Variants in RANBP9 observed in about 807,000 individuals in gnomAD.
RANBP9 encodes ran-binding protein 9.
RANBP9 carries 15 observed loss-of-function variants against 84.3 expected under a neutral mutation model. The ratio of observed to expected loss-of-function variants is 0.18; its 90% CI spans 0.12 to 0.27. The LOEUF (loss-of-function observed/expected upper bound fraction) is 0.27, where lower values mean the gene tolerates loss of function less well. RANBP9 is among the 10% of genes least tolerant of loss of function. The pLI is 1.00. For synonymous variants in RANBP9, 392 were observed against 349.6 expected (o/e 1.12, Z -1.35); for missense variants, 809 against 912.8 (o/e 0.89, Z 1.46).
At chr6:13,678,284 T>C (rs1420318892) in intron 2 of RANBP9, among the ~76,000 whole-genome samples, 1 of 152,204 alleles carries the variant, frequency 6.6e-6, no homozygotes, top group Non-Finnish European at 1.5e-5. Flanking sequence ...TTGAGAAAGC[T>C]ATGGTTCTCA....
intron 2 of RANBP9, among the ~76,000 whole-genome samples, chr6:13,669,059 C>A (rs1172088611): frequency 1.3e-5 from 2 of 151,300 alleles, no homozygotes; most frequent in Non-Finnish European, 2.9e-5. Context: ...GATTAATATG[C>A]AAAAATCAGT....
chr6:13,639,271 A>G (rs1212294909), intron 9 of RANBP9, among the ~76,000 whole-genome samples: 1 of 152,120 alleles, frequency 6.6e-6, no homozygotes, highest in Non-Finnish European at 1.5e-5. Flanking sequence ...CTCTGCCTCC[A>G]GGATTCAAGC....
In RANBP9 at chr6:13,644,527, A is replaced by C; in HGVS notation, c.1112+18T>G. On this transcript the variant is annotated intron_variant, in intron 6 of 13. Transcript: ENST00000011619. ...AACAGATTCTGAATAGCATCAATTG[A>C]AATTTCTTCACTCTTACTTTTGTAT... is the stretch of plus-strand genomic sequence containing the variant. The C allele has an allele frequency of 6.2e-7, 1 of 1,600,370 alleles. No homozygotes were observed. The highest frequency in any genetic ancestry group is 8.5e-7 in the Non-Finnish European group (1 of 1,172,492).
chr6:13,641,839 A>G (rs1015992546), intron 7 of RANBP9, among the ~76,000 whole-genome samples: 1 of 152,216 alleles, frequency 6.6e-6, no homozygotes. Flanking sequence ...AACCCAATGT[A>G]ATCAGTGCTA....
chr6:13,683,657 A>G (rs939355234), intron 2 of RANBP9, among the ~76,000 whole-genome samples: 13 of 152,168 alleles, frequency 8.5e-5, no homozygotes, highest in African/African-American at 2.9e-4. Flanking sequence ...TCCAGGTGGT[A>G]GGATTGTATA....
intron 5 of RANBP9, among the ~76,000 whole-genome samples, chr6:13,650,784 G>A (rs970580238): frequency 4.6e-5 from 7 of 152,218 alleles, no homozygotes; most frequent in African/African-American, 9.6e-5. Context: ...GCAACCTGGC[G>A]AAACCCCGTC....
intron 2 of RANBP9, among the ~76,000 whole-genome samples, chr6:13,694,077 A>G (rs147660674): frequency 0.014 from 2,111 of 152,314 alleles, 50 homozygotes; most frequent in African/African-American, 0.048. Context: ...CAAAAAGAAC[A>G]AAATGCAAAC....
At position 13,705,356 on chromosome 6, in the gene RANBP9, A is replaced by G. The variant is rs60727327; in HGVS notation, c.571+5579T>C. Among the ~76,000 whole-genome samples, 1,343 of 148,828 alleles carry G rather than the reference A, an allele frequency of 9.0e-3. 21 individuals carry two copies. Among genetic ancestry groups the G allele is most frequent in the African/African-American group, 0.031 (1,218 of 39,926 alleles). ...GAGATGGAGGTTGCAGTGAGCTGAC[A>G]AAGTGCCACCACTGCACTTCGGCCT... On this transcript the variant is annotated intron_variant, in intron 1 of 13. Coordinates refer to ENST00000011619, the MANE Select transcript of RANBP9 (RefSeq NM_005493.3).
chr6:13,657,360 G>T, intron 3 of RANBP9, 84 bp from the exon 4 acceptor site: 1 of 1,169,126 alleles, frequency 8.6e-7, no homozygotes, highest in Non-Finnish European at 1.2e-6. Context: ...TGATAAATCA[G>T]AACAGTACAA....
At chr6:13,623,510 G>A (rs1393959605) in intron 13 of RANBP9, among the ~76,000 whole-genome samples, 1 of 152,046 alleles carries the variant, frequency 6.6e-6, no homozygotes, top group African/African-American at 2.4e-5. Context: ...AAGAATAAAC[G>A]TGTGCAAAAA....
chr6:13,635,162 CAG>C (rs1764904454), intron 10 of RANBP9, among the ~76,000 whole-genome samples: 1 of 152,224 alleles, frequency 6.6e-6, no homozygotes, highest in Non-Finnish European at 1.5e-5. Flanking sequence ...CACCACACGA[CAG>C]AGAGTGAACT....
intron 2 of RANBP9, among the ~76,000 whole-genome samples, chr6:13,663,075 G>A (rs1765570626): frequency 6.6e-6 from 1 of 151,928 alleles, no homozygotes. Context: ...AAGAAGCTCA[G>A]CAAACATTAA....
At chr6:13,682,839 A>T (rs2113332561) in intron 2 of RANBP9, among the ~76,000 whole-genome samples, 1 of 152,368 alleles carries the variant, frequency 6.6e-6, no homozygotes, top group Non-Finnish European at 1.5e-5. Flanking sequence ...AGAGACTTTA[A>T]AACTGATTTG....
rs1764478091 is a variant in RANBP9 at position 13,622,440 on chromosome 6, G to A, written c.2112C>T (p.Ala704=). 6 of 1,603,194 alleles carry A rather than the reference G, an allele frequency of 3.7e-6. No individual in the cohort carries two copies. Among genetic ancestry groups the A allele is most frequent in the Non-Finnish European group, 5.1e-6 (6 of 1,175,096 alleles). ...GAGCCATCAGTCCTAGACATTGTGTGGCCTGTCCCATTGCTAGGGCAAGTG... is the reference window on the plus strand; with the variant it reads ...GAGCCATCAGTCCTAGACATTGTGTAGCCTGTCCCATTGCTAGGGCAAGTG... ...QPPLALAMGQ[A]TQCLGLMARS... The change falls in exon 14 of 14, where the codon GCC becomes GCT. Residue 704 remains alanine (A), a synonymous_variant. Transcript: ENST00000011619.
At chr6:13,658,869 T>G in intron 2 of RANBP9, 37 bp from the exon 3 acceptor site, 1 of 1,506,006 alleles carries the variant, frequency 6.6e-7, no homozygotes, top group Non-Finnish European at 9.2e-7. Flanking sequence ...GAAAAGGACA[T>G]TATTACAGTC....
chr6:13,639,858 G>C, intron 8 of RANBP9, 105 bp from the exon 9 acceptor site: 2 of 978,854 alleles, frequency 2.0e-6, no homozygotes, highest in Non-Finnish European at 3.0e-6. Flanking sequence ...TTTATCAGTA[G>C]GATTGGTCTT....
rs532673065 is a variant in RANBP9 at position 13,623,315 on chromosome 6, A to G, written c.2060-823T>C. 5.9e-5 allele frequency among the ~76,000 whole-genome samples: 9 copies of G among 152,362 alleles called. No individual in the cohort carries two copies. The East Asian group carries it at 9.6e-4, about 16-fold the overall frequency. ...CAGTTCTTTATAGGCACAGTTGACA[A>G]CAAAGGGCAAAAACAGTTGACACAT... On this transcript the variant is annotated intron_variant, in intron 13 of 13. Coordinates refer to ENST00000011619, the MANE Select transcript of RANBP9 (RefSeq NM_005493.3).
At chr6:13,683,912 T>C (rs1056897489) in intron 2 of RANBP9, among the ~76,000 whole-genome samples, 14 of 152,224 alleles carry the variant, frequency 9.2e-5, no homozygotes, top group African/African-American at 3.4e-4. Context: ...TATATATCTT[T>C]AGGTCACTTT....
At chr6:13,660,518 G>C (rs143339467) in intron 2 of RANBP9, among the ~76,000 whole-genome samples, 3 of 152,208 alleles carry the variant, frequency 2.0e-5, no homozygotes, top group East Asian at 3.9e-4. Context: ...TGTCACTCAG[G>C]CTGGAGGGCA....
Sources: allele counts gnomAD v4.1 joint callset (sites outside exome capture counted in the v4.1 genomes callset), GRCh38; gene constraint gnomAD v4.1.1; transcripts MANE v1.5; gene names NCBI Gene and HGNC (gene_info 2026-07-23, HGNC 2026-07-21).